Variants in CDH18 observed in about 807,000 individuals in gnomAD.
CDH18 encodes the protein cadherin-18.
A neutral mutation model predicts 67.9 loss-of-function variants in CDH18; 31 were observed. That is an observed-to-expected ratio of 0.46 (90% CI 0.34 to 0.62). The LOEUF (loss-of-function observed/expected upper bound fraction) is 0.62, where lower values mean the gene tolerates loss of function less well. Ranked by LOEUF, CDH18 falls within the 20% of genes least tolerant of loss-of-function variation. The pLI is 0.01. For missense variants in CDH18, 890 were observed against 975.5 expected, an observed-to-expected ratio of 0.91 and a Z score of 1.17; for synonymous variants, 362 against 347.2, an observed-to-expected ratio of 1.04 and a Z score of -0.48.
intron 3 of CDH18, among the ~76,000 whole-genome samples, chr5:19,763,692 C>T (rs986183458): frequency 6.6e-6 from 1 of 152,004 alleles, no homozygotes; most frequent in African/African-American, 2.4e-5. Flanking sequence ...ATTGGATGAA[C>T]TGAACACTAA....
chr5:19,689,822 ACTGT>A (rs1425281599), intron 5 of CDH18, among the ~76,000 whole-genome samples: 1 of 151,842 alleles, frequency 6.6e-6, no homozygotes, highest in Non-Finnish European at 1.5e-5. Flanking sequence ...AAATATTTAG[ACTGT>A]CTGAATAGTT....
intron 1 of CDH18, among the ~76,000 whole-genome samples, chr5:20,490,620 G>T (rs1486853119): frequency 2.0e-5 from 3 of 152,168 alleles, no homozygotes; most frequent in Non-Finnish European, 2.9e-5. Context: ...ATTTGTTCAA[G>T]AGGAGGGTAA....
intron 2 of CDH18, among the ~76,000 whole-genome samples, chr5:20,242,378 C>T (rs187183932): frequency 5.3e-4 from 81 of 151,416 alleles, no homozygotes; most frequent in African/African-American, 1.8e-3. Context: ...CTGTCCACTC[C>T]TTCAGCCCGC....
intron 1 of CDH18, among the ~76,000 whole-genome samples, chr5:20,538,907 T>TTTTTTTC (rs1288321673): frequency 7.5e-6 from 1 of 132,666 alleles, no homozygotes. Context: ...TGTTTTTTTT[T>TTTTTTTC]TGTTTTTTTT....
chr5:19,963,595 C>T (rs1369830155), intron 2 of CDH18, among the ~76,000 whole-genome samples: 1 of 152,020 alleles, frequency 6.6e-6, no homozygotes, highest in African/African-American at 2.4e-5. Context: ...CTCTCTCCTG[C>T]TATCATGTGA....
At chr5:19,593,707 C>CCTTCTTCTTCTTCTTCTTCTTCCTCTT (rs1745642724) in intron 6 of CDH18, among the ~76,000 whole-genome samples, 2 of 33,384 alleles carry the variant, frequency 6.0e-5, no homozygotes, top group Non-Finnish European at 1.1e-4. Context: ...TCCTCCTCCT[C>CCTTCTTCTTCTTCTTCTTCTTCCTCTT]CTTCTTCTTC....
intron 2 of CDH18, among the ~76,000 whole-genome samples, chr5:19,916,280 T>C (rs1791780323): frequency 6.6e-6 from 1 of 152,132 alleles, no homozygotes; most frequent in Non-Finnish European, 1.5e-5. Context: ...CCTCAAAAAC[T>C]CCATGCTCAC....
chr5:19,571,471 G>T lies in CDH18; in HGVS notation c.1253+108C>A, dbSNP rs182069071. The T allele has an allele frequency of 1.1e-5, 11 of 1,016,930 alleles. No homozygotes were observed. The African/African-American group carries it at 1.6e-4, about 15-fold the overall frequency. 63.0% of individuals were successfully genotyped at this position (1,016,930 alleles called of 1,614,324 possible). ...ATATTATAATTTAATTATATTCGTA[G>T]AAAACAACGTAGAAATAAAACATTT... On this transcript the variant is annotated intron_variant, in intron 8 of 12. Coordinates refer to ENST00000382275, the MANE Select transcript of CDH18 (RefSeq NM_004934.5).
rs1561437593 is a variant in CDH18, at chr5:19,849,700, GCATA to G, written c.-256-10462_-256-10459del. Among the ~76,000 whole-genome samples, 9 of 9,386 alleles carry G rather than the reference GCATA, an allele frequency of 9.6e-4. No homozygotes were observed. In the East Asian group the frequency reaches 0.019, roughly 20 times the overall value. The allele number at this position is 9,386 out of a possible 152,430, so 6.2% of individuals were successfully genotyped here. Reference sequence around the variant, plus strand: ...TATATATAAACATATATATATACACGCATATATATATAAACATATATATATACAC... The same window carrying G: ...TATATATAAACATATATATATACACGTATATATAAACATATATATATACAC... On this transcript the variant is annotated intron_variant, in intron 2 of 12. Transcript: ENST00000382275.
rs149813590 is a variant in CDH18 at position 20,103,936 on chromosome 5, T to C, written c.-517-111922A>G. Among the ~76,000 whole-genome samples the C allele has an allele frequency of 4.7e-4, 71 of 151,660 alleles. 1 individual carries two copies. The East Asian group carries it at 0.013, about 27-fold the overall frequency. Reference sequence around the variant, plus strand: ...CAAATACCATTGTGTTAGAGTTGCCTACAGTATTCAATACAGTAACATGCC... The same window carrying C: ...CAAATACCATTGTGTTAGAGTTGCCCACAGTATTCAATACAGTAACATGCC... On this transcript the variant is annotated intron_variant, in intron 2 of 14. Transcript: ENST00000507958.
rs568336658 is a variant in CDH18, at chr5:20,147,988, G to A, written c.-518+107456C>T. 2.6e-4 allele frequency among the ~76,000 whole-genome samples: 39 copies of A among 152,144 alleles called. 2 individuals are homozygous for A. The South Asian group carries it at 8.1e-3, about 32-fold the overall frequency. ...GCCAAATAAGAGTGAATTTGAATGT[G>A]TGTGTGTGCATGTTTGCATGTTTAA... is the stretch of plus-strand genomic sequence containing the variant. On this transcript the variant is annotated intron_variant, in intron 2 of 14. Coordinates refer to the CDH18 transcript ENST00000507958.
At chr5:20,313,743 G>A (rs1737205654) in intron 1 of CDH18, among the ~76,000 whole-genome samples, 1 of 151,948 alleles carries the variant, frequency 6.6e-6, no homozygotes, top group Middle Eastern at 3.2e-3. Flanking sequence ...CTCTGTGTGT[G>A]TGGGTGTATA....
At chr5:19,914,882 T>C in intron 2 of CDH18, among the ~76,000 whole-genome samples, 1 of 152,066 alleles carries the variant, frequency 6.6e-6, no homozygotes, top group East Asian at 1.9e-4. Context: ...TGTAATATGA[T>C]AATAGAAGGA....
At chr5:19,573,142 C>T (rs1269205891) in intron 7 of CDH18, among the ~76,000 whole-genome samples, 1 of 152,172 alleles carries the variant, frequency 6.6e-6, no homozygotes. Flanking sequence ...ATACAATACA[C>T]ATGCATTTAT....
intron 1 of CDH18, among the ~76,000 whole-genome samples, chr5:20,479,500 T>G (rs1752650256): frequency 6.6e-6 from 1 of 152,052 alleles, no homozygotes; most frequent in Admixed American, 6.6e-5. Flanking sequence ...TCAGAGTCTC[T>G]TACTGGCAGA....
At chr5:20,299,410 AC>A (rs1747780426) in intron 1 of CDH18, among the ~76,000 whole-genome samples, 1 of 15,374 alleles carries the variant, frequency 6.5e-5, no homozygotes, top group Non-Finnish European at 1.7e-4. Context: ...AGCTACACAC[AC>A]ACACACACAC....
chr5:19,946,643 T>G (rs1424903821), intron 2 of CDH18, among the ~76,000 whole-genome samples: 1 of 152,144 alleles, frequency 6.6e-6, no homozygotes, highest in Non-Finnish European at 1.5e-5. Flanking sequence ...CTAGATGGCT[T>G]TAAGAAAATT....
chr5:20,056,809 G>A (rs534646700), intron 2 of CDH18, among the ~76,000 whole-genome samples: 107 of 145,990 alleles, frequency 7.3e-4, no homozygotes, highest in African/African-American at 2.6e-3. Context: ...TCAGTCTCCC[G>A]AGTAGCTGGG....
chr5:19,624,881 C>A (rs1751279188), intron 5 of CDH18, among the ~76,000 whole-genome samples: 1 of 152,084 alleles, frequency 6.6e-6, no homozygotes, highest in African/African-American at 2.4e-5. Flanking sequence ...AGTGTGAGAT[C>A]ATGAAGAGTG....
Sources: allele counts gnomAD v4.1 joint callset (sites outside exome capture counted in the v4.1 genomes callset), GRCh38; gene constraint gnomAD v4.1.1; transcripts MANE v1.5; gene names NCBI Gene and HGNC (gene_info 2026-07-23, HGNC 2026-07-21).